SMYD2: variants seen among roughly 807,000 people sequenced by gnomAD.
SMYD2 encodes the protein N-lysine methyltransferase SMYD2.
SMYD2 carries 53 observed loss-of-function variants against 59.1 expected under a neutral mutation model. The ratio of observed to expected loss-of-function variants is 0.90; its 90% CI spans 0.72 to 1.13. SMYD2 has a LOEUF of 1.13. Ranked by LOEUF, SMYD2 falls within the 50% of genes most tolerant of loss-of-function variation. The probability of loss-of-function intolerance (pLI) is 0.00; values close to 1 mark genes in which losing one functional copy is unlikely to be tolerated. For missense variants in SMYD2, 494 were observed against 544.7 expected (o/e 0.91, Z 0.93); for synonymous variants, 208 against 198.8 (o/e 1.05, Z -0.39).
rs1571935726 is a variant in SMYD2 at position 214,331,775 on chromosome 1, C to A, written c.938-243C>A. ...TGATTTTAATCAACATTGTTTACAT[C>A]AGAACTAGGGGTCTGGACCCTGCGG... On this transcript the variant is annotated intron_variant, in intron 9 of 11. Transcript: ENST00000366957. The A allele has an allele frequency of 1.4e-5, 6 of 416,298 alleles. No individual in the cohort carries two copies. The South Asian group carries it at 3.3e-4, about 23-fold the overall frequency. 25.8% of individuals were successfully genotyped at this position (416,298 alleles called of 1,614,324 possible).
At chr1:214,293,708 C>T (rs1183048924) in intron 1 of SMYD2, among the ~76,000 whole-genome samples, 1 of 152,004 alleles carries the variant, frequency 6.6e-6, no homozygotes, top group Admixed American at 6.5e-5. Flanking sequence ...TGGAGTTTTG[C>T]TCTTGTTGCC....
intron 1 of SMYD2, among the ~76,000 whole-genome samples, chr1:214,301,769 T>TAA (rs56102481): frequency 0.038 from 5,107 of 133,268 alleles, 403 homozygotes; most frequent in African/African-American, 0.14. Context: ...TCTTTCAAGT[T>TAA]AAAAAAAAAA....
At chr1:214,329,582 G>T (rs565333344) in intron 7 of SMYD2, among the ~76,000 whole-genome samples, 5 of 152,176 alleles carry the variant, frequency 3.3e-5, no homozygotes, top group African/African-American at 1.2e-4. Flanking sequence ...GGAGCTGCCC[G>T]CTGGGCCAGG....
chr1:214,281,222 G>A lies in SMYD2; in HGVS notation c.-33G>A. On this transcript the variant is annotated 5_prime_UTR_variant, in exon 1 of 12. Coordinates refer to ENST00000366957, the MANE Select transcript of SMYD2 (RefSeq NM_020197.3). ...AACAGCTCGCCGGGAGCCGCAGCTC[G>A]GGCACAGCCGGCGGCCGCGCCCCGC... The A allele has an allele frequency of 8.2e-7, 1 of 1,223,448 alleles. No homozygotes were observed. The highest frequency in any genetic ancestry group is 1.0e-6 in the Non-Finnish European group (1 of 978,012). 75.8% of individuals were successfully genotyped at this position (1,223,448 alleles called of 1,614,324 possible). A position where few individuals can be genotyped will look rare whatever the true frequency, so the allele number is the denominator to read the frequency against.
chr1:214,335,763 G>A (rs1657426139), intron 11 of SMYD2, among the ~76,000 whole-genome samples: 1 of 152,160 alleles, frequency 6.6e-6, no homozygotes, highest in Admixed American at 6.6e-5. Context: ...GAGTGGTTAA[G>A]TAAATTACCC....
chr1:214,326,410 C>T (rs142742656), intron 6 of SMYD2, among the ~76,000 whole-genome samples: 4 of 152,170 alleles, frequency 2.6e-5, no homozygotes, highest in East Asian at 3.9e-4. Flanking sequence ...TTAATACTTC[C>T]GCAAGATGGT....
At chr1:214,331,109 G>A (rs199599168) in intron 9 of SMYD2, 39 bp downstream of exon 9, 66 of 1,604,214 alleles carry the variant, frequency 4.1e-5, no homozygotes, top group Admixed American at 8.4e-5. Flanking sequence ...ATTATCCCTC[G>A]CCAACAAGGC....
intron 1 of SMYD2, among the ~76,000 whole-genome samples, chr1:214,291,659 T>C (rs1382585541): frequency 6.6e-6 from 1 of 152,236 alleles, no homozygotes; most frequent in African/African-American, 2.4e-5. Flanking sequence ...ATGTCTTTTC[T>C]TCCAGGGGTG....
Position 214,330,932 on chromosome 1 carries a change from T to C in SMYD2, c.817-18T>C. On this transcript the variant is annotated intron_variant, in intron 8 of 11. Transcript: ENST00000366957. ...TCCATGGGCGGTAACGCCTTGCCCT[T>C]GTGGACGTTTCCTTCAGGATAAGGC... The C allele has an allele frequency of 6.2e-7, 1 of 1,613,874 alleles. No individual in the cohort carries two copies. Among genetic ancestry groups the C allele is most frequent in the Non-Finnish European group, 8.5e-7 (1 of 1,180,006 alleles).
At chr1:214,299,044 G>T (rs971091910) in intron 1 of SMYD2, among the ~76,000 whole-genome samples, 1 of 152,138 alleles carries the variant, frequency 6.6e-6, no homozygotes, top group African/African-American at 2.4e-5. Flanking sequence ...CCAGCTACTT[G>T]GGAGGCTGAG....
In SMYD2 at chr1:214,281,244, C is replaced by CCGCCGCCA. The variant is rs1460061117; in HGVS notation, c.-9_-2dup. 8.1e-7 allele frequency: 1 copy of CCGCCGCCA among 1,234,162 alleles called. No homozygotes were observed. Among genetic ancestry groups the CCGCCGCCA allele is most frequent in the Non-Finnish European group, 1.0e-6 (1 of 982,618 alleles). 76.5% of individuals were successfully genotyped at this position (1,234,162 alleles called of 1,614,324 possible). ...CTCGGGCACAGCCGGCGGCCGCGCC[C>CCGCCGCCA]CGCCGCCACCATGAGGGCCGAGGGC... On this transcript the variant is annotated 5_prime_UTR_variant, in exon 1 of 12. Coordinates refer to ENST00000366957, the MANE Select transcript of SMYD2 (RefSeq NM_020197.3).
intron 2 of SMYD2, among the ~76,000 whole-genome samples, chr1:214,314,302 C>T (rs761067669): frequency 2.9e-4 from 44 of 152,234 alleles, no homozygotes; most frequent in Non-Finnish European, 4.9e-4. Context: ...TTTAAAAAGT[C>T]GCCTGTAAAA....
chr1:214,298,275 A>G (rs1656765277), intron 1 of SMYD2, among the ~76,000 whole-genome samples: 1 of 152,226 alleles, frequency 6.6e-6, no homozygotes, highest in Admixed American at 6.5e-5. Flanking sequence ...CTAATCTTTG[A>G]CAAAGTCAAC....
At chr1:214,324,578 T>C in intron 5 of SMYD2, 63 bp from the exon 6 acceptor site, 1 of 1,397,620 alleles carries the variant, frequency 7.2e-7, no homozygotes, top group Non-Finnish European at 9.9e-7. Context: ...TTTAAAAAAA[T>C]GATCTCTACC....
intron 2 of SMYD2, among the ~76,000 whole-genome samples, chr1:214,307,090 T>C (rs1267510978): frequency 6.6e-6 from 1 of 152,242 alleles, no homozygotes; most frequent in Non-Finnish European, 1.5e-5. Context: ...GGAGAATCTC[T>C]TGAACCTGGG....
At position 214,314,421 on chromosome 1, in the gene SMYD2, T is replaced by C. The variant is rs1452563561; in HGVS notation, c.238-341T>C. On this transcript the variant is annotated intron_variant, in intron 2 of 11. Transcript: ENST00000366957. ...GCCAAATCAATGGCTGATACTCAAA[T>C]TGCTCCCTCTGCAATTTGACAGCTT... Among the ~76,000 whole-genome samples the C allele has an allele frequency of 9.2e-5, 14 of 152,142 alleles. 1 individual carries two copies. Among genetic ancestry groups the C allele is most frequent in the Admixed American group, 9.2e-4 (14 of 15,268 alleles).
chr1:214,328,948 G>T (rs943200260), intron 7 of SMYD2, among the ~76,000 whole-genome samples: 1 of 152,230 alleles, frequency 6.6e-6, no homozygotes, highest in East Asian at 1.9e-4. Flanking sequence ...GAGATGAGCA[G>T]GTTGTCACCT....
chr1:214,332,045 A>G lies in SMYD2; in HGVS notation c.965A>G (p.Glu322Gly), dbSNP rs1055699705. The G allele has an allele frequency of 6.2e-7, 1 of 1,613,710 alleles. No homozygotes were observed. The highest frequency in any genetic ancestry group is 1.7e-5 in the Admixed American group (1 of 60,018). ...KSPSELLEIC[E>G]LSQEKMSSVF... ...CCTAGTGAGCTGCTGGAGATCTGCG[A>G]GCTCAGCCAGGAGAAGATGAGCTCT... The change falls in exon 10 of 12, where the codon GAG (glutamate) becomes GGG (glycine). Residue 322 changes from glutamate (E) to glycine (G), a missense_variant. Glu to Gly is a moderately conservative substitution (Grantham distance 98, BLOSUM62 -2). Coordinates refer to ENST00000366957, the MANE Select transcript of SMYD2 (RefSeq NM_020197.3).
chr1:214,317,134 G>T (rs990404025), intron 3 of SMYD2, among the ~76,000 whole-genome samples: 2 of 152,218 alleles, frequency 1.3e-5, no homozygotes, highest in South Asian at 2.1e-4. Context: ...GTGAATGGAA[G>T]ATTTCTGCTC....
Sources: allele counts gnomAD v4.1 joint callset (sites outside exome capture counted in the v4.1 genomes callset), GRCh38; gene constraint gnomAD v4.1.1; transcripts MANE v1.5; gene names NCBI Gene and HGNC (gene_info 2026-07-23, HGNC 2026-07-21).